Variants in FHIT observed in about 807,000 individuals in gnomAD.
The protein encoded by FHIT is bis(5'-adenosyl)-triphosphatase.
Under a neutral mutation model 17.9 loss-of-function variants are expected in FHIT, and 19 were observed. That is an observed-to-expected ratio of 1.06 (90% CI 0.74 to 1.56). The LOEUF is 1.56. FHIT is among the 40% of genes most tolerant of loss of function. FHIT has a pLI of 0.00. For synonymous variants in FHIT, 81 were observed against 69.7 expected, an observed-to-expected ratio of 1.16 and a Z score of -0.81; for missense variants, 248 against 189.2, an observed-to-expected ratio of 1.31 and a Z score of -1.82.
At chr3:60,828,182 C>A (rs1410006591) in intron 3 of FHIT, among the ~76,000 whole-genome samples, 2 of 152,088 alleles carry the variant, frequency 1.3e-5, no homozygotes, top group Non-Finnish European at 2.9e-5. Flanking sequence ...ATGTAAAGAA[C>A]CTGGCACATG....
At chr3:59,778,770 C>A (rs1254337323) in intron 8 of FHIT, among the ~76,000 whole-genome samples, 1 of 152,160 alleles carries the variant, frequency 6.6e-6, no homozygotes, top group Non-Finnish European at 1.5e-5. Flanking sequence ...TCATAAGAAC[C>A]TTAAGGGTCT....
intron 5 of FHIT, among the ~76,000 whole-genome samples, chr3:60,416,757 G>A (rs1257964421): frequency 6.6e-6 from 1 of 152,084 alleles, no homozygotes; most frequent in African/African-American, 2.4e-5. Context: ...ATGTGCACAA[G>A]GAGGCATGGA....
At chr3:60,109,125 G>A (rs1704558317) in intron 5 of FHIT, among the ~76,000 whole-genome samples, 1 of 148,194 alleles carries the variant, frequency 6.7e-6, no homozygotes, top group Non-Finnish European at 1.5e-5. Context: ...AAAAGAGGGG[G>A]ACGGGGGTAG....
chr3:60,136,848 A>G (rs116586147), intron 5 of FHIT, among the ~76,000 whole-genome samples: 11 of 148,188 alleles, frequency 7.4e-5, no homozygotes, highest in African/African-American at 2.9e-4. Context: ...AACATGCCCT[A>G]TGGATTAGTA....
intron 5 of FHIT, among the ~76,000 whole-genome samples, chr3:60,113,459 A>G (rs1483752298): frequency 6.6e-6 from 1 of 151,838 alleles, no homozygotes; most frequent in Non-Finnish European, 1.5e-5. Context: ...CAGTGAATCT[A>G]CTAACTGGTT....
At chr3:59,885,005 A>G (rs1703559503) in intron 8 of FHIT, among the ~76,000 whole-genome samples, 1 of 152,250 alleles carries the variant, frequency 6.6e-6, no homozygotes, top group Admixed American at 6.5e-5. Context: ...GAGCAGTAAG[A>G]AAAATTCACC....
intron 5 of FHIT, among the ~76,000 whole-genome samples, chr3:60,116,904 C>G (rs1430807575): frequency 1.3e-5 from 2 of 152,038 alleles, no homozygotes; most frequent in Non-Finnish European, 2.9e-5. Context: ...GAGTTATTTA[C>G]CGCTAACAAT....
chr3:60,652,727 CAAAAAAAA>C (rs782637479), intron 4 of FHIT, among the ~76,000 whole-genome samples: 11 of 59,020 alleles, frequency 1.9e-4, no homozygotes, highest in Non-Finnish European at 3.0e-4. Context: ...GACTCCATCT[CAAAAAAAA>C]AAAAAAAAAA....
chr3:60,887,681 T>G (rs1575646041), intron 3 of FHIT, among the ~76,000 whole-genome samples: 2 of 152,082 alleles, frequency 1.3e-5, no homozygotes, highest in East Asian at 3.9e-4. Context: ...TAAATAATTT[T>G]GAAATTTTAA....
intron 8 of FHIT, among the ~76,000 whole-genome samples, chr3:59,797,872 T>C (rs754161755): frequency 5.9e-5 from 9 of 152,334 alleles, no homozygotes; most frequent in East Asian, 1.9e-4. Context: ...GAACTAATCA[T>C]AGAATTAAAA....
At chr3:60,317,797 T>A (rs1406477551) in intron 5 of FHIT, among the ~76,000 whole-genome samples, 2 of 150,532 alleles carry the variant, frequency 1.3e-5, no homozygotes, top group Non-Finnish European at 3.0e-5. Context: ...TCTTTTTTTT[T>A]TTTTTTATTT....
intron 5 of FHIT, among the ~76,000 whole-genome samples, chr3:60,283,767 T>C (rs1301152606): frequency 2.6e-5 from 4 of 152,030 alleles, no homozygotes; most frequent in South Asian, 2.1e-4. Context: ...TAAAAATGTA[T>C]GCAATTGGAC....
chr3:60,663,620 AGAGAGG>A (rs1553691730), intron 4 of FHIT, among the ~76,000 whole-genome samples: 3 of 151,956 alleles, frequency 2.0e-5, no homozygotes, highest in Non-Finnish European at 4.4e-5. Context: ...TATTTTTACA[AGAGAGG>A]GGGTTTCATC....
chr3:60,194,049 T>C (rs1702514610), intron 5 of FHIT, among the ~76,000 whole-genome samples: 1 of 152,162 alleles, frequency 6.6e-6, no homozygotes, highest in African/African-American at 2.4e-5. Context: ...ATGCAATTCC[T>C]ATCAAAAAAC....
chr3:60,877,561 C>T (rs1168140165), intron 3 of FHIT, among the ~76,000 whole-genome samples: 2 of 152,100 alleles, frequency 1.3e-5, no homozygotes, highest in African/African-American at 2.4e-5. Flanking sequence ...TTGGTAGGAC[C>T]CTGTATCCCA....
chr3:60,237,201 T>C (rs17062578), intron 5 of FHIT, among the ~76,000 whole-genome samples: 4,381 of 152,060 alleles, frequency 0.029, 227 homozygotes, highest in African/African-American at 0.099. Context: ...TCCCAGAGTA[T>C]GGAACTGTTT....
intron 5 of FHIT, among the ~76,000 whole-genome samples, chr3:60,533,092 C>G (rs1414038000): frequency 6.6e-6 from 1 of 152,180 alleles, no homozygotes; most frequent in Non-Finnish European, 1.5e-5. Context: ...AACCTTCTCC[C>G]ATCTGCCATC....
intron 7 of FHIT, among the ~76,000 whole-genome samples, chr3:59,981,282 C>T (rs1011547998): frequency 6.6e-6 from 1 of 152,098 alleles, no homozygotes; most frequent in African/African-American, 2.4e-5. Flanking sequence ...AATTTCCACA[C>T]TTGGAATGCC....
intron 2 of FHIT, among the ~76,000 whole-genome samples, chr3:61,080,067 C>A (rs577443446): frequency 1.3e-5 from 2 of 151,658 alleles, no homozygotes; most frequent in Admixed American, 1.3e-4. Context: ...AGAAGTCAAA[C>A]AAACATTTAA....
Sources: allele counts gnomAD v4.1 joint callset (sites outside exome capture counted in the v4.1 genomes callset), GRCh38; gene constraint gnomAD v4.1.1; transcripts MANE v1.5; gene names NCBI Gene and HGNC (gene_info 2026-07-23, HGNC 2026-07-21).